Variants in LCT observed in about 807,000 individuals in gnomAD.
LCT encodes the protein lactase/phlorizin hydrolase.
In LCT, 90 loss-of-function variants were observed where a neutral mutation model predicts 173.0. The ratio of observed to expected loss-of-function variants is 0.52; its 90% CI spans 0.44 to 0.62. The LOEUF is 0.62. Among genes scored for constraint, LCT ranks in the 20% least tolerant of loss-of-function variants. The probability of loss-of-function intolerance (pLI) is 0.00; values close to 1 mark genes in which losing one functional copy is unlikely to be tolerated. For missense variants in LCT, 1,864 were observed against 2,431.4 expected (o/e 0.77, Z 4.91); for synonymous variants, 853 against 957.6 (o/e 0.89, Z 2.02).
intron 9 of LCT, 73 bp from the exon 10 acceptor site, chr2:135,805,130 G>A: frequency 7.2e-7 from 1 of 1,388,784 alleles, no homozygotes; most frequent in Non-Finnish European, 1.0e-6. Flanking sequence ...TTCACTGGGT[G>A]AGTCTCAAGT....
chr2:135,814,737 G>A (rs559946031), intron 6 of LCT, among the ~76,000 whole-genome samples: 31 of 152,032 alleles, frequency 2.0e-4, no homozygotes, highest in South Asian at 1.5e-3. Flanking sequence ...GGCTGGTCTC[G>A]AACCCCTGAT....
At chr2:135,836,003 T>C (rs978285908) in intron 1 of LCT, among the ~76,000 whole-genome samples, 457 of 28,434 alleles carry the variant, frequency 0.016, 19 homozygotes, top group Non-Finnish European at 0.059. Context: ...TATATATATA[T>C]ATATATATAT....
chr2:135,791,012 C>T (rs2077529997), intron 14 of LCT, 131 bp from the exon 15 acceptor site: 2 of 740,222 alleles, frequency 2.7e-6, no homozygotes, highest in Non-Finnish European at 4.8e-6. Context: ...CATACTAAAC[C>T]CAGAAGAATC....
At chr2:135,802,100 G>T (rs889706365) in intron 11 of LCT, among the ~76,000 whole-genome samples, 1 of 152,152 alleles carries the variant, frequency 6.6e-6, no homozygotes, top group Non-Finnish European at 1.5e-5. Flanking sequence ...CAAGAGAGGC[G>T]CCTCTCATGT....
At chr2:135,791,111 TC>T (rs1200338806) in intron 14 of LCT, among the ~76,000 whole-genome samples, 1 of 152,236 alleles carries the variant, frequency 6.6e-6, no homozygotes, top group Non-Finnish European at 1.5e-5. Context: ...CAGCTCTCCG[TC>T]CTTCAATTTC....
rs537048556 is a variant in LCT, at chr2:135,790,942, C to T, written c.5112-61G>A. The stretch of plus-strand genomic sequence containing the variant: ...TGTAAATCTCAAGAGGCCCTTTACA[C>T]GAAACACAAAACAGGACTTAGACCA... On this transcript the variant is annotated intron_variant, in intron 14 of 16. Coordinates refer to ENST00000264162, the MANE Select transcript of LCT (RefSeq NM_002299.4). This position sits in a 1 kb window ranked among gnomAD's most constrained non-coding sequence, Gnocchi z 4.1. 24 of 1,258,506 alleles carry T rather than the reference C, an allele frequency of 1.9e-5. No homozygotes were observed. The highest frequency in any genetic ancestry group is 1.2e-4 in the Admixed American group (7 of 58,134). The allele number at this position is 1,258,506 out of a possible 1,614,324, so 78.0% of individuals were successfully genotyped here. A position where few individuals can be genotyped will look rare whatever the true frequency, so the allele number is the denominator to read the frequency against.
Position 135,833,176 on chromosome 2 carries a change from C to A in LCT, c.655G>T (p.Val219Phe), listed in dbSNP as rs3754689. The A allele has an allele frequency of 1.4e-5, 23 of 1,613,588 alleles. No individual in the cohort carries two copies. In the East Asian group the frequency reaches 4.9e-4, roughly 34 times the overall value. ...GGGATATCTTCAGCTCGCAGGACAA[C>A]AGAGAGTTTTCCGCCTGAAACCAAC... Reference protein sequence around the residue: ...SYAFQGGKLSVVLRAEDIPEL... With the variant: ...SYAFQGGKLSFVLRAEDIPEL... Residue 219 changes from valine to phenylalanine, a missense_variant, in exon 2 of 17, where the codon GTT becomes TTT. Val to Phe is a conservative substitution (Grantham distance 50). This residue lies in a region of LCT where 412 missense variants were observed against 462.0 expected (regional missense o/e 0.89). Coordinates refer to ENST00000264162, the MANE Select transcript of LCT (RefSeq NM_002299.4).
intron 11 of LCT, among the ~76,000 whole-genome samples, chr2:135,802,643 A>G (rs1384330897): frequency 6.6e-6 from 1 of 152,224 alleles, no homozygotes; most frequent in Non-Finnish European, 1.5e-5. Context: ...TCTTACTCAC[A>G]TGTGGGAGCT....
rs2077508679 is a variant in LCT at position 135,788,377 on chromosome 2, G to A, written c.5731C>T (p.Gln1911Ter). Reference protein sequence around the residue: ...LSYKYCKRSKQGKTQRSQQEL... With the variant: ...LSYKYCKRSK ...TGTTGGCTTCGTTGTGTTTTCCCTT[G>A]CTTAGAGCGCTTGCAGTACTTGTAT... is the stretch of plus-strand genomic sequence containing the variant. Residue 1911 changes from glutamine (Q) to a stop codon, truncating the protein, a stop_gained, in exon 17 of 17, where the codon CAA becomes TAA. Coordinates refer to ENST00000264162, the MANE Select transcript of LCT (RefSeq NM_002299.4). LOFTEE classifies it high-confidence loss of function. 4 of 1,614,110 alleles carry A rather than the reference G, an allele frequency of 2.5e-6. No individual in the cohort carries two copies. In the East Asian group the frequency reaches 8.9e-5, roughly 36 times the overall value.
intron 1 of LCT, 48 bp from the exon 2 acceptor site, chr2:135,833,238 C>T (rs772092852): frequency 5.8e-6 from 8 of 1,386,780 alleles, no homozygotes; most frequent in Admixed American, 1.7e-5. Flanking sequence ...GGGCAGGAGG[C>T]TCTGACTGTG....
At chr2:135,815,585 G>T (rs1281511383) in intron 6 of LCT, among the ~76,000 whole-genome samples, 4 of 152,080 alleles carry the variant, frequency 2.6e-5, no homozygotes, top group Non-Finnish European at 5.9e-5. Flanking sequence ...CTGTAATTTT[G>T]CTACGTGTGT....
chr2:135,829,717 C>T lies in LCT; in HGVS notation c.721-41G>A, dbSNP rs997398385. ...AAATAGGGTCATTAGAACCTAAGCA[C>T]TGTCAAGACTAACAGCCTCTCAGAA... On this transcript the variant is annotated intron_variant, in intron 2 of 16. Transcript: ENST00000264162. The T allele has an allele frequency of 6.1e-6, 8 of 1,305,270 alleles. No individual in the cohort carries two copies. The African/African-American group carries it at 1.2e-4, about 19-fold the overall frequency. The allele number at this position is 1,305,270 out of a possible 1,614,324, so 80.9% of individuals were successfully genotyped here.
At chr2:135,794,823 T>C (rs759983185) in intron 13 of LCT, 48 bp from the exon 14 acceptor site, 1 of 1,612,350 alleles carries the variant, frequency 6.2e-7, no homozygotes, top group Admixed American at 1.7e-5. Context: ...AGAGCCATGC[T>C]TTGAGAAGAG....
At chr2:135,811,300 C>T (rs2077732579) in intron 7 of LCT, among the ~76,000 whole-genome samples, 2 of 151,904 alleles carry the variant, frequency 1.3e-5, no homozygotes, top group Non-Finnish European at 2.9e-5. Context: ...AAATTCTAAC[C>T]CGTGGTGCCA....
chr2:135,816,703 G>A (rs940191073), intron 6 of LCT, among the ~76,000 whole-genome samples: 5 of 152,036 alleles, frequency 3.3e-5, no homozygotes, highest in African/African-American at 1.2e-4. Flanking sequence ...AAGAAGACTC[G>A]GACTCAAATC....
intron 13 of LCT, among the ~76,000 whole-genome samples, chr2:135,795,045 G>GCGCGCACA (rs766023610): frequency 6.7e-6 from 1 of 149,826 alleles, no homozygotes; most frequent in Non-Finnish European, 1.5e-5. Context: ...GCGCGCGCGC[G>GCGCGCACA]CACACACACA....
Position 135,799,239 on chromosome 2 carries a change from G to A in LCT, c.4867-1101C>T, listed in dbSNP as rs189533209. On this transcript the variant is annotated intron_variant, in intron 12 of 16. Transcript: ENST00000264162. ...AACCAAGGCCCATGGTGTTTCCCCC[G>A]AGAGAGTTATAGTGCCACAGTTGGC... is the stretch of plus-strand genomic sequence containing the variant. Among the ~76,000 whole-genome samples, 37 of 152,168 alleles carry A rather than the reference G, an allele frequency of 2.4e-4. 1 individual carries two copies. The East Asian group carries it at 6.4e-3, about 26-fold the overall frequency.
At position 135,812,904 on chromosome 2, in the gene LCT, C is replaced by A; in HGVS notation, c.1760G>T (p.Ser587Ile). Residue 587 changes from serine (S) to isoleucine (I), a missense_variant, in exon 7 of 17, where the codon AGC (serine) becomes ATC (isoleucine). Transcript: ENST00000264162. Reference sequence around the variant, plus strand: ...CCCCTGCTGCTGTGGGCGATGATGGCTGTTGTAGTGGTGCCAAGTTCTGGC... The same window carrying A: ...CCCCTGCTGCTGTGGGCGATGATGGATGTTGTAGTGGTGCCAAGTTCTGGC... The part of the protein sequence containing the change: ...AHARTWHHYN[S>I]HHRPQQQGHV... 6.2e-7 allele frequency: 1 copy of A among 1,614,206 alleles called. No individual in the cohort carries two copies. The highest frequency in any genetic ancestry group is 8.5e-7 in the Non-Finnish European group (1 of 1,180,048).
intron 1 of LCT, among the ~76,000 whole-genome samples, chr2:135,833,946 C>T (rs1027400245): frequency 6.6e-6 from 1 of 152,292 alleles, no homozygotes; most frequent in South Asian, 2.1e-4. Context: ...TAGTTTCCTC[C>T]TATACATGGA....
Sources: gnomAD v4.1 joint callset for allele counts (sites outside exome capture counted in the v4.1 genomes callset) on GRCh38, gnomAD v4.1.1 for gene constraint, gnomAD v4.1.1 regional missense constraint, Gnocchi (gnomAD v3.1) non-coding constraint, MANE v1.5 for transcripts, NCBI Gene and HGNC (gene_info 2026-07-23, HGNC 2026-07-21) for gene names.